IL1RAPL1: variants seen among roughly 807,000 people sequenced by gnomAD.
IL1RAPL1 encodes interleukin-1 receptor accessory protein-like 1.
In IL1RAPL1, 3 loss-of-function variants were observed where a neutral mutation model predicts 48.4. That is an observed-to-expected ratio of 0.06 (90% CI 0.03 to 0.16). The LOEUF is 0.16. Among genes scored for constraint, IL1RAPL1 ranks in the 10% least tolerant of loss-of-function variants. The pLI is 1.00. For missense variants in IL1RAPL1, 349 were observed against 530.6 expected (o/e 0.66, Z 3.36); for synonymous variants, 185 against 187.7 (o/e 0.99, Z 0.12).
chrX:29,215,339 T>C (rs975481444), intron 2 of IL1RAPL1, among the ~76,000 whole-genome samples: 5 of 99,428 alleles, frequency 5.0e-5, no homozygotes, highest in African/African-American at 2.1e-4. Context: ...CAAGACTCTG[T>C]CTCAAAAAAA....
chrX:29,781,177 G>A (rs746367235), intron 6 of IL1RAPL1, among the ~76,000 whole-genome samples: 4 of 111,967 alleles, frequency 3.6e-5, no homozygotes, highest in African/African-American at 9.7e-5. Context: ...AACAGCATAC[G>A]CATTCCAACA....
chrX:29,446,387 CT>C (rs1438957811), intron 5 of IL1RAPL1, among the ~76,000 whole-genome samples: 1 of 111,613 alleles, frequency 9.0e-6, no homozygotes, highest in Non-Finnish European at 1.9e-5. Flanking sequence ...TATATTGCGT[CT>C]TTTAAATTAG....
rs985244926 is a variant in IL1RAPL1 at position 28,622,688 on chromosome X, A to T, written c.-25+34641A>T. 2.7e-5 allele frequency among the ~76,000 whole-genome samples: 3 copies of T among 112,048 alleles called. No individual in the cohort carries two copies. In the South Asian group the frequency reaches 1.1e-3, roughly 41 times the overall value. On this transcript the variant is annotated intron_variant, in intron 1 of 10. Transcript: ENST00000378993. ...TAAAATGCTATTGTGTTGTCAAGTG[A>T]ATTGATTCTAATCACAGCTGTTTTC...
intron 2 of IL1RAPL1, among the ~76,000 whole-genome samples, chrX:29,099,547 T>C (rs5985819): frequency 0.23 from 25,537 of 111,086 alleles, 2,768 homozygotes; most frequent in African/African-American, 0.42. Flanking sequence ...ATAGCTTAAA[T>C]AGTGGGCAGA....
chrX:29,293,642 C>T lies in IL1RAPL1; in HGVS notation c.362+10425C>T, dbSNP rs139592976. On this transcript the variant is annotated intron_variant, in intron 3 of 10. Transcript: ENST00000378993. ...CCATGGATATAACATGTGTATTTATCGTATTTCACAAACATTACTGAAAAT... is the reference window on the plus strand; with the variant it reads ...CCATGGATATAACATGTGTATTTATTGTATTTCACAAACATTACTGAAAAT... 8.3e-3 allele frequency among the ~76,000 whole-genome samples: 916 copies of T among 110,984 alleles called. 12 individuals carry two copies. Among genetic ancestry groups the T allele is most frequent in the African/African-American group, 0.029 (885 of 30,605 alleles).
At chrX:29,582,373 T>A (rs1188784864) in intron 5 of IL1RAPL1, among the ~76,000 whole-genome samples, 1 of 106,087 alleles carries the variant, frequency 9.4e-6, no homozygotes, top group African/African-American at 3.6e-5. Flanking sequence ...TTTTTTATTT[T>A]TTTATTTTTA....
At chrX:29,437,828 T>C (rs1934499468) in intron 5 of IL1RAPL1, among the ~76,000 whole-genome samples, 1 of 110,680 alleles carries the variant, frequency 9.0e-6, no homozygotes, top group Non-Finnish European at 1.9e-5. Context: ...GTTAATCTTT[T>C]GTTAAAGATT....
At chrX:29,044,434 CAAATAAAT>C (rs772398998) in intron 2 of IL1RAPL1, among the ~76,000 whole-genome samples, 1 of 109,650 alleles carries the variant, frequency 9.1e-6, no homozygotes, top group African/African-American at 3.3e-5. Flanking sequence ...CGTCTCTAAA[CAAATAAAT>C]AAATAAATAA....
chrX:28,712,412 T>TAGCACC (rs1325822536), intron 1 of IL1RAPL1, among the ~76,000 whole-genome samples: 1 of 110,884 alleles, frequency 9.0e-6, no homozygotes, highest in East Asian at 2.8e-4. Flanking sequence ...AAGAAGAGCA[T>TAGCACC]AGCACCCTGA....
At chrX:29,067,019 A>G (rs1927464851) in intron 2 of IL1RAPL1, among the ~76,000 whole-genome samples, 1 of 111,546 alleles carries the variant, frequency 9.0e-6, no homozygotes, top group African/African-American at 3.3e-5. Context: ...CCTTGTTCTT[A>G]CTGAGATTTG....
At chrX:29,417,209 T>C (rs975507507) in intron 5 of IL1RAPL1, among the ~76,000 whole-genome samples, 2 of 111,962 alleles carry the variant, frequency 1.8e-5, no homozygotes, top group African/African-American at 6.5e-5. Flanking sequence ...TAACTTGCAA[T>C]TGATGTAGAT....
intron 1 of IL1RAPL1, among the ~76,000 whole-genome samples, chrX:28,747,125 C>T (rs1935988510): frequency 9.0e-6 from 1 of 110,792 alleles, no homozygotes; most frequent in East Asian, 2.8e-4. Context: ...TTCTGATTTC[C>T]CTCCTACCAT....
intron 2 of IL1RAPL1, among the ~76,000 whole-genome samples, chrX:28,910,201 G>T (rs960267271): frequency 1.8e-5 from 2 of 111,059 alleles, no homozygotes; most frequent in African/African-American, 6.5e-5. Context: ...GACATGAAAG[G>T]AAGCCTTTCT....
chrX:29,327,830 A>G (rs978604077), intron 3 of IL1RAPL1, among the ~76,000 whole-genome samples: 9 of 110,124 alleles, frequency 8.2e-5, no homozygotes, highest in Non-Finnish European at 1.7e-4. Flanking sequence ...GCAACAATTC[A>G]GTATCTGTCA....
chrX:29,199,145 A>G (rs1384696287), intron 2 of IL1RAPL1, among the ~76,000 whole-genome samples: 1 of 112,073 alleles, frequency 8.9e-6, no homozygotes, highest in Non-Finnish European at 1.9e-5. Context: ...TGAATATCTG[A>G]TAAATATCCA....
At chrX:29,612,130 C>T (rs905486445) in intron 5 of IL1RAPL1, among the ~76,000 whole-genome samples, 4 of 111,039 alleles carry the variant, frequency 3.6e-5, no homozygotes, top group Non-Finnish European at 7.5e-5. Flanking sequence ...GACATGAGGC[C>T]TTTGCTAAAG....
At chrX:29,104,871 G>T (rs1224052021) in intron 2 of IL1RAPL1, among the ~76,000 whole-genome samples, 2 of 111,845 alleles carry the variant, frequency 1.8e-5, no homozygotes, top group Non-Finnish European at 3.8e-5. Context: ...TAATTTGTAA[G>T]TTTCATCCTC....
At chrX:29,783,586 A>G (rs912184447) in intron 6 of IL1RAPL1, among the ~76,000 whole-genome samples, 1 of 111,986 alleles carries the variant, frequency 8.9e-6, no homozygotes, top group African/African-American at 3.2e-5. Context: ...AATCAAAATC[A>G]TAATGTCTAG....
intron 2 of IL1RAPL1, among the ~76,000 whole-genome samples, chrX:28,841,655 G>A (rs956667969): frequency 5.4e-5 from 6 of 110,436 alleles, no homozygotes; most frequent in African/African-American, 1.6e-4. Flanking sequence ...CTTGGGGAGT[G>A]ATTTTGGAAT....
Sources: gnomAD v4.1 joint callset for allele counts (sites outside exome capture counted in the v4.1 genomes callset) on GRCh38, gnomAD v4.1.1 for gene constraint, MANE v1.5 for transcripts, NCBI Gene and HGNC (gene_info 2026-07-23, HGNC 2026-07-21) for gene names.